CDH18: variants seen among roughly 807,000 people sequenced by gnomAD.
The protein encoded by CDH18 is cadherin 18.
In CDH18, 31 loss-of-function variants were observed where a neutral mutation model predicts 67.9. That is an observed-to-expected ratio of 0.46 (90% confidence interval 0.34 to 0.62). The LOEUF is 0.62. Among genes scored for constraint, CDH18 ranks in the 20% least tolerant of loss-of-function variants. CDH18 has a pLI of 0.01. For missense variants in CDH18, 890 were observed against 975.5 expected (o/e 0.91, Z 1.17); for synonymous variants, 362 against 347.2 (o/e 1.04, Z -0.48).
Position 19,571,700 on chromosome 5 carries a change from C to T in CDH18, c.1132G>A (p.Asp378Asn), listed in dbSNP as rs757341395. The part of the protein sequence containing the change: ...TMLKIIVGDV[D>N]EPPLFSMPSY... Reference sequence around the variant, plus strand: ...GGCATGGAAAATAGTGGTGGTTCATCTACATCCCCAACAATGATCTTCAGC... The same window carrying T: ...GGCATGGAAAATAGTGGTGGTTCATTTACATCCCCAACAATGATCTTCAGC... Residue 378 changes from aspartate to asparagine, a missense_variant, in exon 8 of 13, where the codon GAT becomes AAT. Coordinates refer to ENST00000382275, the MANE Select transcript of CDH18 (RefSeq NM_004934.5). The T allele has an allele frequency of 3.7e-6, 6 of 1,614,008 alleles. No individual in the cohort carries two copies. Among genetic ancestry groups the T allele is most frequent in the Non-Finnish European group, 2.5e-6 (3 of 1,179,940 alleles).
In CDH18 at chr5:20,076,128, G is replaced by A. The variant is rs1743908929; in HGVS notation, c.-517-84114C>T. On this transcript the variant is annotated intron_variant, in intron 2 of 14. Coordinates refer to the CDH18 transcript ENST00000507958. Reference sequence around the variant, plus strand: ...ATCTAAAACTTTAGTCTTATTAAAAGCTCAAAACATGAACAAAATTTATTT... The same window carrying A: ...ATCTAAAACTTTAGTCTTATTAAAAACTCAAAACATGAACAAAATTTATTT... Among the ~76,000 whole-genome samples, 3 of 151,846 alleles carry A rather than the reference G, an allele frequency of 2.0e-5. No individual in the cohort carries two copies. In the South Asian group the frequency reaches 6.2e-4, roughly 31 times the overall value.
At chr5:20,232,391 G>A (rs985422978) in intron 2 of CDH18, among the ~76,000 whole-genome samples, 21 of 152,074 alleles carry the variant, frequency 1.4e-4, no homozygotes, top group Admixed American at 4.6e-4. Context: ...ATAACTGTGC[G>A]ATGTTGGAAA....
intron 5 of CDH18, among the ~76,000 whole-genome samples, chr5:19,717,404 G>A (rs1765466233): frequency 4.2e-5 from 1 of 24,096 alleles, no homozygotes; most frequent in African/African-American, 5.0e-5. Flanking sequence ...ATTCCGTAAG[G>A]AAATGGAAAG....
intron 4 of CDH18, among the ~76,000 whole-genome samples, chr5:19,724,553 G>A (rs1766554189): frequency 6.6e-6 from 1 of 150,752 alleles, no homozygotes; most frequent in Admixed American, 6.6e-5. Context: ...ATTTATACAA[G>A]TAAATCTAGG....
rs920544987 is a variant in CDH18, at chr5:19,920,182, G to A, written c.-257+60878C>T. Among the ~76,000 whole-genome samples, 21 of 151,960 alleles carry A rather than the reference G, an allele frequency of 1.4e-4. 1 individual carries two copies. The highest frequency in any genetic ancestry group is 4.1e-4 in the South Asian group (2 of 4,820). On this transcript the variant is annotated intron_variant, in intron 2 of 12. Transcript: ENST00000382275. Reference sequence around the variant, plus strand: ...AAAATCTTGCTATCTTTGAAATTTCGAAGTTATAATTCATATCTTAGAGAA... The same window carrying A: ...AAAATCTTGCTATCTTTGAAATTTCAAAGTTATAATTCATATCTTAGAGAA...
chr5:20,202,639 C>T (rs993294701), intron 2 of CDH18, among the ~76,000 whole-genome samples: 17 of 151,964 alleles, frequency 1.1e-4, no homozygotes, highest in Admixed American at 1.0e-3. Flanking sequence ...TTTACTCTCC[C>T]ACATTCAGGT....
At chr5:19,708,914 G>T (rs1764315917) in intron 5 of CDH18, among the ~76,000 whole-genome samples, 1 of 151,966 alleles carries the variant, frequency 6.6e-6, no homozygotes, top group Non-Finnish European at 1.5e-5. Flanking sequence ...GCACCACTGG[G>T]TTAGGGACTC....
chr5:19,859,959 T>C (rs1784701253), intron 2 of CDH18, among the ~76,000 whole-genome samples: 1 of 151,096 alleles, frequency 6.6e-6, no homozygotes, highest in African/African-American at 2.4e-5. Context: ...AAGGTTTCTT[T>C]CTGTCTTATT....
At chr5:19,646,281 C>T (rs17839199) in intron 5 of CDH18, among the ~76,000 whole-genome samples, 8,791 of 151,828 alleles carry the variant, frequency 0.058, 286 homozygotes, top group Non-Finnish European at 0.074. Context: ...ACACAGCCTA[C>T]GTGAGAAAAA....
intron 5 of CDH18, among the ~76,000 whole-genome samples, chr5:19,617,720 TA>T (rs1750054941): frequency 6.6e-6 from 1 of 152,200 alleles, no homozygotes; most frequent in Non-Finnish European, 1.5e-5. Flanking sequence ...TTTTGTTTCT[TA>T]TTACTTCCCT....
chr5:19,813,992 T>C (rs1356337593), intron 3 of CDH18, among the ~76,000 whole-genome samples: 3 of 151,906 alleles, frequency 2.0e-5, no homozygotes, highest in Non-Finnish European at 4.4e-5. Flanking sequence ...ACCAGAAGTA[T>C]TATCCAGAAG....
chr5:20,515,659 G>A (rs1208844167), intron 1 of CDH18, among the ~76,000 whole-genome samples: 1 of 152,128 alleles, frequency 6.6e-6, no homozygotes, highest in Non-Finnish European at 1.5e-5. Context: ...TTAGCCAACA[G>A]TGTATTGTGG....
chr5:20,036,459 C>T (rs776620140), intron 2 of CDH18, among the ~76,000 whole-genome samples: 2 of 151,920 alleles, frequency 1.3e-5, no homozygotes, highest in African/African-American at 2.4e-5. Context: ...GGAGTCAAAG[C>T]TCTGTCCTTG....
chr5:20,249,748 TA>T (rs1363634580), intron 2 of CDH18, among the ~76,000 whole-genome samples: 1 of 152,228 alleles, frequency 6.6e-6, no homozygotes, highest in African/African-American at 2.4e-5. Flanking sequence ...AATTCTATTG[TA>T]AAGACAAATC....
chr5:19,886,118 G>A (rs946723511), intron 2 of CDH18: 2 of 152,164 alleles, frequency 1.3e-5, no homozygotes, highest in South Asian at 4.1e-4. Flanking sequence ...ACATACTTTG[G>A]TTGAAGCATC....
intron 1 of CDH18, among the ~76,000 whole-genome samples, chr5:20,476,232 G>C (rs1235347306): frequency 6.6e-6 from 1 of 151,996 alleles, no homozygotes; most frequent in Non-Finnish European, 1.5e-5. Flanking sequence ...CATAGTACCA[G>C]GCAAGGCCAG....
intron 2 of CDH18, among the ~76,000 whole-genome samples, chr5:20,057,280 A>G (rs1382265352): frequency 2.0e-5 from 3 of 152,208 alleles, no homozygotes; most frequent in African/African-American, 7.2e-5. Flanking sequence ...AATTCAAAAA[A>G]GAAGTAACTG....
intron 5 of CDH18, among the ~76,000 whole-genome samples, chr5:19,626,579 C>T (rs1466762621): frequency 1.3e-5 from 2 of 151,860 alleles, no homozygotes; most frequent in Non-Finnish European, 2.9e-5. Flanking sequence ...GAACTATAAA[C>T]AGTTATTAAT....
intron 2 of CDH18, among the ~76,000 whole-genome samples, chr5:20,208,838 T>A (rs78724805): frequency 0.013 from 1,986 of 152,038 alleles, 50 homozygotes; most frequent in African/African-American, 0.045. Flanking sequence ...AAGGGACTAA[T>A]AACCAGAATA....
Sources: allele counts gnomAD v4.1 joint callset (sites outside exome capture counted in the v4.1 genomes callset), GRCh38; gene constraint gnomAD v4.1.1; transcripts MANE v1.5; gene names NCBI Gene and HGNC (gene_info 2026-07-23, HGNC 2026-07-21).